The following BEND3 variants were observed in gnomAD, a reference collection of about 807,000 sequenced individuals.
BEND3 encodes BEN domain-containing protein 3.
Under a neutral mutation model 60.1 loss-of-function variants are expected in BEND3, and 13 were observed. That is an observed-to-expected ratio of 0.22 (90% confidence interval 0.14 to 0.34). BEND3 has a LOEUF of 0.34. Among genes scored for constraint, BEND3 ranks in the 10% least tolerant of loss-of-function variants. The pLI is 1.00. For synonymous variants in BEND3, 497 were observed against 491.5 expected, an observed-to-expected ratio of 1.01 and a Z score of -0.15; for missense variants, 896 against 1,138.1, an observed-to-expected ratio of 0.79 and a Z score of 3.06.
chr6:107,110,191 G>T (rs1775912108), intron 1 of BEND3, among the ~76,000 whole-genome samples: 1 of 152,202 alleles, frequency 6.6e-6, no homozygotes, highest in East Asian at 1.9e-4. Context: ...GGAGAGCATG[G>T]TATCAGGTGA....
At chr6:107,088,126 T>C (rs1775397128) in intron 3 of BEND3, among the ~76,000 whole-genome samples, 1 of 151,524 alleles carries the variant, frequency 6.6e-6, no homozygotes, top group Non-Finnish European at 1.5e-5. Flanking sequence ...TCCTCCTGCC[T>C]CAGCCTCCTA....
At chr6:107,081,845 C>A (rs1775241504) in intron 3 of BEND3, among the ~76,000 whole-genome samples, 1 of 151,724 alleles carries the variant, frequency 6.6e-6, no homozygotes, top group Non-Finnish European at 1.5e-5. Context: ...TATGAAGATG[C>A]TGCCTTCTCT....
chr6:107,109,649 G>A (rs1472395697), intron 1 of BEND3, among the ~76,000 whole-genome samples: 1 of 151,968 alleles, frequency 6.6e-6, no homozygotes, highest in Non-Finnish European at 1.5e-5. Context: ...TGAGGCGGAC[G>A]GATCACTTGC....
chr6:107,096,225 T>A (rs1775582087), intron 3 of BEND3, among the ~76,000 whole-genome samples: 1 of 152,124 alleles, frequency 6.6e-6, no homozygotes, highest in Admixed American at 6.5e-5. Flanking sequence ...CAAAAAGAAA[T>A]GAAGTACTGA....
At chr6:107,084,316 C>T (rs1554233922) in intron 3 of BEND3, among the ~76,000 whole-genome samples, 1 of 152,222 alleles carries the variant, frequency 6.6e-6, no homozygotes, top group African/African-American at 2.4e-5. Flanking sequence ...GCACAGACCC[C>T]ACACTTTCGT....
intron 1 of BEND3, among the ~76,000 whole-genome samples, chr6:107,104,307 A>AGGAAGAACCACATCACAAAGAGAT: frequency 6.7e-6 from 1 of 149,894 alleles, no homozygotes; most frequent in Non-Finnish European, 1.5e-5. Context: ...AAAAAAAAAA[A>AGGAAGAACCACATCACAAAGAGAT]AGGAAGAACC....
At chr6:107,090,326 A>G (rs1044516356) in intron 3 of BEND3, among the ~76,000 whole-genome samples, 7 of 151,912 alleles carry the variant, frequency 4.6e-5, no homozygotes, top group African/African-American at 1.2e-4. Context: ...TCCAGCCTGG[A>G]CGACAGAGCA....
At chr6:107,090,528 CTT>C (rs1554235027) in intron 3 of BEND3, among the ~76,000 whole-genome samples, 2 of 152,164 alleles carry the variant, frequency 1.3e-5, no homozygotes, top group African/African-American at 4.8e-5. Context: ...TCTGACAACT[CTT>C]TGTTCAAAAT....
intron 3 of BEND3, among the ~76,000 whole-genome samples, chr6:107,095,516 A>G (rs1008103602): frequency 3.3e-5 from 5 of 152,270 alleles, no homozygotes; most frequent in African/African-American, 7.2e-5. Context: ...TTTTTTACCA[A>G]ACTAAACATA....
Position 107,068,833 on chromosome 6 carries a change from G to T in BEND3, c.2358C>A (p.Ala786=). The T allele has an allele frequency of 6.2e-7, 1 of 1,614,126 alleles. No homozygotes were observed. The highest frequency in any genetic ancestry group is 1.7e-5 in the Admixed American group (1 of 60,022). Residue 786 remains alanine (A), a synonymous_variant, in exon 4 of 4, where the codon GCC becomes GCA. Transcript: ENST00000369042. The surrounding 1 kb of genome is among the most constrained non-coding windows in gnomAD (Gnocchi z 5.8). ...CCTCCATCTTCTCCACCGGGTAGACGGCTTCCACGTAGTGGCGGATGAGCC... is the reference window on the plus strand; with the variant it reads ...CCTCCATCTTCTCCACCGGGTAGACTGCTTCCACGTAGTGGCGGATGAGCC... The part of the protein sequence containing the change: ...RLRLIRHYVE[A]VYPVEKMEEV...
At chr6:107,076,839 A>G (rs573317831) in intron 3 of BEND3, among the ~76,000 whole-genome samples, 1 of 152,002 alleles carries the variant, frequency 6.6e-6, no homozygotes, top group South Asian at 2.1e-4. Flanking sequence ...CATCATCATC[A>G]AATTTTTTTT....
intron 3 of BEND3, among the ~76,000 whole-genome samples, chr6:107,075,079 G>A (rs997480088): frequency 1.3e-5 from 2 of 150,464 alleles, no homozygotes; most frequent in African/African-American, 2.5e-5. Flanking sequence ...GCAACAGAGC[G>A]TCTCAAAAAA....
At chr6:107,095,102 T>C (rs1268461948) in intron 3 of BEND3, among the ~76,000 whole-genome samples, 6 of 151,922 alleles carry the variant, frequency 3.9e-5, no homozygotes, top group Non-Finnish European at 7.4e-5. Context: ...GGATTACAGG[T>C]GTTAAACCAC....
chr6:107,076,861 C>G (rs192764506), intron 3 of BEND3, among the ~76,000 whole-genome samples: 2 of 152,092 alleles, frequency 1.3e-5, no homozygotes, highest in Admixed American at 1.3e-4. Context: ...GAGACAGGAT[C>G]TCACTCTGTT....
intron 3 of BEND3, among the ~76,000 whole-genome samples, chr6:107,086,392 G>A (rs1199468904): frequency 6.6e-6 from 1 of 151,956 alleles, no homozygotes. Flanking sequence ...CGAGGTGGGC[G>A]GATCACGAGG....
intron 3 of BEND3, among the ~76,000 whole-genome samples, chr6:107,072,410 T>C (rs1360724542): frequency 3.3e-5 from 5 of 152,204 alleles, no homozygotes; most frequent in African/African-American, 1.2e-4. Flanking sequence ...TAGCCAGGGC[T>C]TGGCAGTCAG....
At chr6:107,103,124 G>A (rs782509929) in intron 1 of BEND3, among the ~76,000 whole-genome samples, 7 of 152,234 alleles carry the variant, frequency 4.6e-5, no homozygotes, top group Non-Finnish European at 8.8e-5. Flanking sequence ...AGTCTGCTCC[G>A]TGCGTAGAAA....
intron 3 of BEND3, among the ~76,000 whole-genome samples, chr6:107,079,859 G>A (rs79058626): frequency 0.011 from 1,696 of 152,018 alleles, 12 homozygotes; most frequent in Non-Finnish European, 0.021. Context: ...TATTTGTTGA[G>A]TAGCTACTGG....
At chr6:107,089,467 T>C (rs1476209369) in intron 3 of BEND3, among the ~76,000 whole-genome samples, 1 of 150,594 alleles carries the variant, frequency 6.6e-6, no homozygotes. Flanking sequence ...GCGCCTGTAG[T>C]CCCAGCTACT....
Sources: gnomAD v4.1 joint callset for allele counts (sites outside exome capture counted in the v4.1 genomes callset) on GRCh38, gnomAD v4.1.1 for gene constraint, Gnocchi (gnomAD v3.1) non-coding constraint, MANE v1.5 for transcripts, NCBI Gene and HGNC (gene_info 2026-07-23, HGNC 2026-07-21) for gene names.